CSMD1: variants seen among roughly 807,000 people sequenced by gnomAD.
CSMD1 encodes the protein CUB and sushi domain-containing protein 1.
A neutral mutation model predicts 417.5 loss-of-function variants in CSMD1; 213 were observed. The ratio of observed to expected loss-of-function variants is 0.51; its 90% CI spans 0.46 to 0.57. CSMD1 has a LOEUF of 0.57. Ranked by LOEUF, CSMD1 falls within the 20% of genes least tolerant of loss-of-function variation. CSMD1 has a pLI of 0.00. For synonymous variants in CSMD1, 2,862 were observed against 1,736.8 expected, an observed-to-expected ratio of 1.65 and a Z score of -16.11; for missense variants, 6,923 against 4,529.7, an observed-to-expected ratio of 1.53 and a Z score of -15.17.
At chr8:4,186,322 C>A (rs17069262) in intron 3 of CSMD1, among the ~76,000 whole-genome samples, 24,991 of 152,064 alleles carry the variant, frequency 0.16, 2,185 homozygotes, top group East Asian at 0.28. Context: ...AGCTTTCCAA[C>A]TGGGACTCCT....
At chr8:3,607,385 T>C (rs1446199607) in intron 8 of CSMD1, among the ~76,000 whole-genome samples, 2 of 152,328 alleles carry the variant, frequency 1.3e-5, no homozygotes, top group South Asian at 2.1e-4. Context: ...GTGTTTTTTA[T>C]AAGCAGACGG....
intron 3 of CSMD1, among the ~76,000 whole-genome samples, chr8:4,382,155 C>T (rs1311066484): frequency 3.3e-5 from 5 of 152,162 alleles, no homozygotes; most frequent in South Asian, 4.1e-4. Context: ...GCAAAGCATG[C>T]ATTCTTCATG....
intron 25 of CSMD1, among the ~76,000 whole-genome samples, chr8:3,284,808 C>T (rs1803024181): frequency 1.3e-5 from 2 of 152,190 alleles, no homozygotes; most frequent in African/African-American, 4.8e-5. Flanking sequence ...TACTCCATTA[C>T]GACCTTTTCT....
intron 17 of CSMD1, among the ~76,000 whole-genome samples, chr8:3,392,132 G>C (rs1811384597): frequency 6.7e-6 from 1 of 150,320 alleles, no homozygotes; most frequent in Non-Finnish European, 1.5e-5. Context: ...GGGAGGGATA[G>C]CATTAGGAGA....
intron 42 of CSMD1, among the ~76,000 whole-genome samples, chr8:3,114,706 C>A (rs1300871679): frequency 6.6e-6 from 1 of 151,928 alleles, no homozygotes; most frequent in East Asian, 1.9e-4. Flanking sequence ...GAGTTGCATT[C>A]TTTATAGTTA....
At chr8:3,754,186 C>A (rs2129053900) in intron 5 of CSMD1, 144 bp from the exon 6 acceptor site, 3 of 502,754 alleles carry the variant, frequency 6.0e-6, no homozygotes, top group South Asian at 3.0e-5. Flanking sequence ...TGACTTTGAA[C>A]CTTAAAACGA....
At chr8:3,292,119 C>G (rs992160757) in intron 25 of CSMD1, among the ~76,000 whole-genome samples, 11 of 152,226 alleles carry the variant, frequency 7.2e-5, no homozygotes, top group African/African-American at 2.2e-4. Context: ...TGTTCAGTTT[C>G]CATATAGTTG....
At chr8:4,911,403 T>C (rs1472983386) in intron 1 of CSMD1, among the ~76,000 whole-genome samples, 1 of 152,216 alleles carries the variant, frequency 6.6e-6, no homozygotes, top group African/African-American at 2.4e-5. Flanking sequence ...ATTTGTTAGG[T>C]AATTCCCTTG....
chr8:3,817,220 C>CTCCAAA (rs1187447753), intron 5 of CSMD1, among the ~76,000 whole-genome samples: 10 of 132,522 alleles, frequency 7.5e-5, no homozygotes, highest in African/African-American at 2.8e-4. Flanking sequence ...TGGAAAGGAT[C>CTCCAAA]TCCAAATCCA....
chr8:3,230,898 T>A (rs1798795295), intron 26 of CSMD1, among the ~76,000 whole-genome samples: 1 of 152,184 alleles, frequency 6.6e-6, no homozygotes, highest in Non-Finnish European at 1.5e-5. Context: ...ATCTCAAATC[T>A]GCTGAGTAGA....
intron 2 of CSMD1, among the ~76,000 whole-genome samples, chr8:4,558,547 T>C (rs1241010219): frequency 6.6e-6 from 1 of 152,096 alleles, no homozygotes; most frequent in Non-Finnish European, 1.5e-5. Flanking sequence ...AGCAAGTACC[T>C]TGCTCAAACA....
intron 3 of CSMD1, among the ~76,000 whole-genome samples, chr8:4,152,816 AGTGAGAGAG>A (rs1796640036): frequency 1.3e-5 from 2 of 152,220 alleles, no homozygotes; most frequent in Non-Finnish European, 2.9e-5. Flanking sequence ...ATACACGTAT[AGTGAGAGAG>A]TAGGGAATGT....
intron 4 of CSMD1, among the ~76,000 whole-genome samples, chr8:4,003,125 G>C (rs1413516595): frequency 6.6e-6 from 1 of 152,126 alleles, no homozygotes; most frequent in East Asian, 1.9e-4. Context: ...TTGGCGCGGT[G>C]GCTGATGCCT....
intron 1 of CSMD1, among the ~76,000 whole-genome samples, chr8:4,709,479 C>A (rs1251306720): frequency 6.6e-6 from 1 of 152,210 alleles, no homozygotes; most frequent in Non-Finnish European, 1.5e-5. Context: ...ACGTAAGGAA[C>A]AGGGGGAGCC....
At chr8:4,615,675 T>C (rs143344635) in intron 2 of CSMD1, among the ~76,000 whole-genome samples, 9 of 152,210 alleles carry the variant, frequency 5.9e-5, no homozygotes, top group African/African-American at 1.9e-4. Flanking sequence ...TATTTCCTTA[T>C]ACCATCTTGT....
intron 2 of CSMD1, among the ~76,000 whole-genome samples, chr8:4,463,209 A>C (rs1266676591): frequency 2.6e-5 from 4 of 152,186 alleles, no homozygotes; most frequent in African/African-American, 9.6e-5. Flanking sequence ...TTAGCCATCA[A>C]GGAAATGCAA....
At chr8:3,991,344 C>T (rs1814731762) in intron 5 of CSMD1, among the ~76,000 whole-genome samples, 3 of 152,156 alleles carry the variant, frequency 2.0e-5, no homozygotes, top group Admixed American at 2.0e-4. Flanking sequence ...CTGGGATGGC[C>T]AGTTTTCTCC....
At chr8:4,080,371 G>C (rs948402069) in intron 3 of CSMD1, among the ~76,000 whole-genome samples, 1 of 152,164 alleles carries the variant, frequency 6.6e-6, no homozygotes, top group Non-Finnish European at 1.5e-5. Context: ...TACACAAACA[G>C]GTATCAGAAT....
chr8:4,623,571 G>A (rs148244820), intron 2 of CSMD1, among the ~76,000 whole-genome samples: 2 of 151,948 alleles, frequency 1.3e-5, no homozygotes, highest in East Asian at 1.9e-4. Context: ...AAACAGGGGG[G>A]TGAGGGGGGA....
Sources: gnomAD v4.1 joint callset for allele counts (sites outside exome capture counted in the v4.1 genomes callset) on GRCh38, gnomAD v4.1.1 for gene constraint, MANE v1.5 for transcripts, NCBI Gene and HGNC (gene_info 2026-07-23, HGNC 2026-07-21) for gene names.